The following AK4 variants were observed in gnomAD, a reference collection of about 807,000 sequenced individuals.
AK4 encodes adenylate kinase 4.
In AK4, 13 loss-of-function variants were observed where a neutral mutation model predicts 24.6. The ratio of observed to expected loss-of-function variants is 0.53; its 90% confidence interval spans 0.34 to 0.84. The LOEUF is 0.84. AK4 is among the 40% of genes least tolerant of loss of function. The pLI, the probability that AK4 is intolerant of heterozygous loss-of-function variation, is 0.01. For synonymous variants in AK4, 88 were observed against 107.0 expected (o/e 0.82, Z 1.10); for missense variants, 192 against 288.2 (o/e 0.67, Z 2.42).
intron 3 of AK4, among the ~76,000 whole-genome samples, chr1:65,224,392 G>A (rs1652390355): frequency 6.6e-6 from 1 of 152,154 alleles, no homozygotes; most frequent in Admixed American, 6.5e-5. Context: ...CTTTATTTTA[G>A]AAGACAAGGT....
At chr1:65,149,137 T>C (rs576376454) in intron 1 of AK4, 1 of 152,758 alleles carries the variant, frequency 6.5e-6, no homozygotes, top group African/African-American at 2.4e-5. Flanking sequence ...TGTCGCCTTC[T>C]AAGGTAAACT....
At chr1:65,213,693 CT>C (rs1652039856) in intron 2 of AK4, among the ~76,000 whole-genome samples, 1 of 152,204 alleles carries the variant, frequency 6.6e-6, no homozygotes, top group South Asian at 2.1e-4. Context: ...AATCCTCAAA[CT>C]GCCCTGTGCA....
At chr1:65,222,282 A>G (rs978084185) in intron 3 of AK4, among the ~76,000 whole-genome samples, 2 of 152,168 alleles carry the variant, frequency 1.3e-5, no homozygotes, top group Non-Finnish European at 2.9e-5. Flanking sequence ...CATCTTGAAC[A>G]TGTCTAGTCC....
intron 2 of AK4, among the ~76,000 whole-genome samples, chr1:65,213,784 C>A (rs186242460): frequency 6.6e-6 from 1 of 152,092 alleles, no homozygotes; most frequent in Non-Finnish European, 1.5e-5. Flanking sequence ...CCCTAACTGC[C>A]CCCCCAGTAC....
Position 65,231,368 on chromosome 1 carries a change from G to A in AK4, c.*5191G>A. ...GTGTGGTGTGTGTGTGAGAGAGAGA[G>A]ATACTGCAGTAAAACATTTCTAAAG... On this transcript the variant is annotated 3_prime_UTR_variant, in exon 5 of 5. Transcript: ENST00000327299. 6.6e-6 allele frequency: 1 copy of A among 152,508 alleles called. No individual in the cohort carries two copies. The highest frequency in any genetic ancestry group is 1.5e-5 in the Non-Finnish European group (1 of 68,208). 9.4% of individuals were successfully genotyped at this position (152,508 alleles called of 1,614,324 possible). A position where few individuals can be genotyped will look rare whatever the true frequency, so the allele number is the denominator to read the frequency against.
At chr1:65,223,349 C>T (rs150474185) in intron 3 of AK4, among the ~76,000 whole-genome samples, 58 of 152,004 alleles carry the variant, frequency 3.8e-4, no homozygotes, top group South Asian at 1.9e-3. Context: ...CCACCACACC[C>T]GGCTAATTTT....
chr1:65,215,977 C>A (rs1398553075), intron 2 of AK4, among the ~76,000 whole-genome samples: 1 of 152,188 alleles, frequency 6.6e-6, no homozygotes, highest in African/African-American at 2.4e-5. Context: ...TGCTAGAACA[C>A]AAGGCAGAGA....
At chr1:65,218,297 G>T (rs996867878) in intron 2 of AK4, among the ~76,000 whole-genome samples, 2 of 152,194 alleles carry the variant, frequency 1.3e-5, no homozygotes, top group Admixed American at 6.6e-5. Context: ...AACAGAAGTG[G>T]AAATGGAGGT....
In AK4 at chr1:65,232,052, A is replaced by G. The variant is rs1161986867; in HGVS notation, c.*5875A>G. The G allele has an allele frequency of 6.6e-6, 1 of 152,150 alleles. No individual in the cohort carries two copies. The highest frequency in any genetic ancestry group is 1.5e-5 in the Non-Finnish European group (1 of 68,032). 9.4% of individuals were successfully genotyped at this position (152,150 alleles called of 1,614,324 possible). ...ATCTGTATATGCTATCCTAACTGTT[A>G]ATTGTATTATTGATTATGTTGATTA... is the stretch of plus-strand genomic sequence containing the variant. On this transcript the variant is annotated 3_prime_UTR_variant, in exon 5 of 5. Coordinates refer to ENST00000327299, the MANE Select transcript of AK4 (RefSeq NM_013410.4).
chr1:65,214,132 G>C (rs1034978482), intron 2 of AK4, among the ~76,000 whole-genome samples: 1 of 151,580 alleles, frequency 6.6e-6, no homozygotes, highest in Non-Finnish European at 1.5e-5. Context: ...TTTGTTTTGA[G>C]ATGGAGTCCC....
chr1:65,230,242 C>T lies in AK4; in HGVS notation c.*4065C>T, dbSNP rs1054292696. 1 of 152,128 alleles carries T rather than the reference C, an allele frequency of 6.6e-6. No homozygotes were observed. Among genetic ancestry groups the T allele is most frequent in the African/African-American group, 2.4e-5 (1 of 41,406 alleles). 9.4% of individuals were successfully genotyped at this position (152,128 alleles called of 1,614,324 possible). A position where few individuals can be genotyped will look rare whatever the true frequency, so the allele number is the denominator to read the frequency against. On this transcript the variant is annotated 3_prime_UTR_variant, in exon 5 of 5. Transcript: ENST00000327299. Reference sequence around the variant, plus strand: ...AGGGAAGGAGAAAGGTAAGAATAGCCATCAGTGAGGAAGGATTCTTGGAGC... The same window carrying T: ...AGGGAAGGAGAAAGGTAAGAATAGCTATCAGTGAGGAAGGATTCTTGGAGC...
chr1:65,221,986 A>C (rs528221838), intron 3 of AK4, among the ~76,000 whole-genome samples: 1 of 152,144 alleles, frequency 6.6e-6, no homozygotes, highest in Non-Finnish European at 1.5e-5. Flanking sequence ...TTTAATAGGC[A>C]GAAGAGAAGA....
chr1:65,194,050 C>T (rs1223317135), intron 2 of AK4, among the ~76,000 whole-genome samples: 35 of 152,178 alleles, frequency 2.3e-4, no homozygotes, highest in Admixed American at 2.3e-3. Context: ...ATGATCACAC[C>T]ATTGCACTCC....
intron 2 of AK4, among the ~76,000 whole-genome samples, chr1:65,192,095 C>T (rs1207659363): frequency 6.6e-6 from 1 of 152,220 alleles, no homozygotes; most frequent in Non-Finnish European, 1.5e-5. Flanking sequence ...TTTTAACTCA[C>T]AGAAGTTAGC....
rs558187883 is a variant in AK4 at position 65,231,388 on chromosome 1, C to T, written c.*5211C>T. The T allele has an allele frequency of 6.6e-6, 1 of 152,308 alleles. No homozygotes were observed. The highest frequency in any genetic ancestry group is 2.1e-4 in the South Asian group (1 of 4,818). 9.4% of individuals were successfully genotyped at this position (152,308 alleles called of 1,614,324 possible). A position where few individuals can be genotyped will look rare whatever the true frequency, so the allele number is the denominator to read the frequency against. On this transcript the variant is annotated 3_prime_UTR_variant, in exon 5 of 5. Transcript: ENST00000327299. ...AGAGAGATACTGCAGTAAAACATTT[C>T]TAAAGGATGAAAGCTCTTGTATGGC...
intron 1 of AK4, among the ~76,000 whole-genome samples, chr1:65,161,294 C>G (rs1396144864): frequency 6.6e-6 from 1 of 151,980 alleles, no homozygotes; most frequent in Non-Finnish European, 1.5e-5. Context: ...GTCACATGTC[C>G]CAGCATTAGG....
chr1:65,216,812 C>T (rs1224122471), intron 2 of AK4, among the ~76,000 whole-genome samples: 1 of 131,606 alleles, frequency 7.6e-6, no homozygotes, highest in Admixed American at 7.0e-5. Context: ...CCTCCCACCT[C>T]AGCTTCCCAA....
chr1:65,161,404 C>T (rs1650155336), intron 1 of AK4, among the ~76,000 whole-genome samples: 1 of 152,192 alleles, frequency 6.6e-6, no homozygotes, highest in African/African-American at 2.4e-5. Flanking sequence ...TCCCAGGAGG[C>T]ATGGCGGTGC....
At chr1:65,168,263 C>T (rs959779468) in intron 1 of AK4, among the ~76,000 whole-genome samples, 1 of 151,526 alleles carries the variant, frequency 6.6e-6, no homozygotes, top group Non-Finnish European at 1.5e-5. Context: ...TCTCCTGCCT[C>T]AGCCTCCCAA....
Sources: allele counts gnomAD v4.1 joint callset (sites outside exome capture counted in the v4.1 genomes callset), GRCh38; gene constraint gnomAD v4.1.1; transcripts MANE v1.5; gene names NCBI Gene and HGNC (gene_info 2026-07-23, HGNC 2026-07-21).